RNF220: variants seen among roughly 807,000 people sequenced by gnomAD.
RNF220 encodes E3 ubiquitin-protein ligase RNF220.
RNF220 carries 7 observed loss-of-function variants against 67.1 expected under a neutral mutation model. That is an observed-to-expected ratio of 0.10 (90% CI 0.06 to 0.20). The LOEUF (loss-of-function observed/expected upper bound fraction) is 0.20. RNF220 is among the 10% of genes least tolerant of loss of function. RNF220 has a pLI of 1.00. For missense variants in RNF220, 565 were observed against 740.3 expected (o/e 0.76, Z 2.75); for synonymous variants, 270 against 283.2 (o/e 0.95, Z 0.47).
chr1:44,584,319 A>G (rs4660282), intron 2 of RNF220, among the ~76,000 whole-genome samples: 10,172 of 152,288 alleles, frequency 0.067, 423 homozygotes, highest in Non-Finnish European at 0.095. Flanking sequence ...GTCCAACCCT[A>G]GCAGCCGCTA....
At chr1:44,576,289 C>A (rs1664799144) in intron 2 of RNF220, among the ~76,000 whole-genome samples, 1 of 152,124 alleles carries the variant, frequency 6.6e-6, no homozygotes. Flanking sequence ...TAGGGGGTGG[C>A]CAGGAGGAGT....
At chr1:44,610,874 C>T (rs1275408871) in intron 2 of RNF220, among the ~76,000 whole-genome samples, 1 of 152,190 alleles carries the variant, frequency 6.6e-6, no homozygotes, top group Non-Finnish European at 1.5e-5. Context: ...CCCAGCAAGA[C>T]CACAGCCCCC....
At chr1:44,579,078 C>G (rs1247612638) in intron 2 of RNF220, among the ~76,000 whole-genome samples, 1 of 151,736 alleles carries the variant, frequency 6.6e-6, no homozygotes, top group Admixed American at 6.6e-5. Flanking sequence ...ATCACTTGAA[C>G]CCAGGAGGCA....
At chr1:44,632,862 CTT>C (rs1460348401) in intron 6 of RNF220, 1 of 165,356 alleles carries the variant, frequency 6.0e-6, no homozygotes, top group African/African-American at 2.4e-5. Context: ...TCCCAGGGCT[CTT>C]TGAGTTATCA....
At chr1:44,431,452 A>G (rs1370508424) in intron 2 of RNF220, among the ~76,000 whole-genome samples, 1 of 148,364 alleles carries the variant, frequency 6.7e-6, no homozygotes, top group African/African-American at 2.5e-5. Flanking sequence ...AGATCATGCC[A>G]CTGCACTCCA....
chr1:44,442,234 C>G lies in RNF220; in HGVS notation c.625+29512C>G, dbSNP rs541727011. ...CCTCGGCCTCCCTTCCTCAAACTCC[C>G]TAGGCTTAGGTGATCCTCCCACCTC... On this transcript the variant is annotated intron_variant, in intron 2 of 14. Coordinates refer to ENST00000361799, the MANE Select transcript of RNF220 (RefSeq NM_018150.4). Among the ~76,000 whole-genome samples the G allele has an allele frequency of 3.1e-4, 47 of 152,232 alleles. 1 individual carries two copies. In the South Asian group the frequency reaches 9.7e-3, roughly 32 times the overall value.
chr1:44,571,451 C>T (rs758586365), intron 2 of RNF220, among the ~76,000 whole-genome samples: 5 of 152,192 alleles, frequency 3.3e-5, no homozygotes, highest in South Asian at 2.1e-4. Flanking sequence ...CTTCATTTTG[C>T]GTGTGCCTAC....
intron 1 of RNF220, among the ~76,000 whole-genome samples, chr1:44,408,349 T>A (rs1225103108): frequency 6.6e-6 from 1 of 152,298 alleles, no homozygotes; most frequent in Non-Finnish European, 1.5e-5. Context: ...CGGCCATGCC[T>A]GAAACACAGG....
At chr1:44,585,557 C>T (rs1276101347) in intron 2 of RNF220, among the ~76,000 whole-genome samples, 1 of 152,184 alleles carries the variant, frequency 6.6e-6, no homozygotes, top group Non-Finnish European at 1.5e-5. Flanking sequence ...CTATCAAATC[C>T]AATAGATGCA....
chr1:44,599,648 C>A (rs1666779658), intron 2 of RNF220, among the ~76,000 whole-genome samples: 1 of 151,968 alleles, frequency 6.6e-6, no homozygotes, highest in Non-Finnish European at 1.5e-5. Context: ...AGAGTGAGAC[C>A]CAGTCTCAAA....
intron 2 of RNF220, among the ~76,000 whole-genome samples, chr1:44,559,708 C>T (rs868598584): frequency 1.3e-5 from 2 of 152,186 alleles, no homozygotes; most frequent in African/African-American, 4.8e-5. Flanking sequence ...AGGGGGCCTG[C>T]GCAGTGTGCG....
At chr1:44,543,763 T>G (rs1181368489) in intron 2 of RNF220, among the ~76,000 whole-genome samples, 1 of 151,942 alleles carries the variant, frequency 6.6e-6, no homozygotes, top group Non-Finnish European at 1.5e-5. Flanking sequence ...CCCCAAAAGC[T>G]GGGTATCTGG....
chr1:44,413,673 C>T (rs1014372759), intron 2 of RNF220, among the ~76,000 whole-genome samples: 1 of 152,164 alleles, frequency 6.6e-6, no homozygotes, highest in African/African-American at 2.4e-5. Flanking sequence ...TTCCACGCAA[C>T]CCTTTGTTCT....
chr1:44,445,832 G>A (rs1409526605), intron 2 of RNF220, among the ~76,000 whole-genome samples: 1 of 152,068 alleles, frequency 6.6e-6, no homozygotes, highest in Non-Finnish European at 1.5e-5. Flanking sequence ...TTATACATGA[G>A]TCCTTTCAAG....
intron 2 of RNF220, among the ~76,000 whole-genome samples, chr1:44,437,907 A>G (rs1201556674): frequency 6.6e-6 from 1 of 152,068 alleles, no homozygotes; most frequent in Non-Finnish European, 1.5e-5. Flanking sequence ...TCATTTTCTC[A>G]TCTGTAAATT....
intron 2 of RNF220, among the ~76,000 whole-genome samples, chr1:44,503,495 C>T (rs1456415248): frequency 6.6e-6 from 1 of 152,122 alleles, no homozygotes; most frequent in East Asian, 1.9e-4. Context: ...GGGAAGACCT[C>T]CATGCCCACA....
chr1:44,520,339 G>A (rs931141439), intron 2 of RNF220, among the ~76,000 whole-genome samples: 8 of 151,998 alleles, frequency 5.3e-5, no homozygotes, highest in African/African-American at 9.7e-5. Context: ...GGTGGCGGGC[G>A]CCTGTAGTCC....
At chr1:44,509,349 A>G (rs1448558798) in intron 2 of RNF220, among the ~76,000 whole-genome samples, 3 of 151,878 alleles carry the variant, frequency 2.0e-5, no homozygotes, top group Non-Finnish European at 2.9e-5. Flanking sequence ...AGGAGATCAA[A>G]ACCATCCTGG....
At chr1:44,427,010 C>A (rs756806477) in intron 2 of RNF220, among the ~76,000 whole-genome samples, 9 of 152,144 alleles carry the variant, frequency 5.9e-5, no homozygotes, top group Non-Finnish European at 8.8e-5. Context: ...AGTATCACTC[C>A]TAATAATAAT....
Sources: allele counts gnomAD v4.1 joint callset (sites outside exome capture counted in the v4.1 genomes callset), GRCh38; gene constraint gnomAD v4.1.1; transcripts MANE v1.5; gene names NCBI Gene and HGNC (gene_info 2026-07-23, HGNC 2026-07-21).